The following DBF4B variants were observed in gnomAD, a reference collection of about 807,000 sequenced individuals.
The protein encoded by DBF4B is DBF4B-CDC7 kinase regulatory subunit.
A neutral mutation model predicts 53.4 loss-of-function variants in DBF4B; 49 were observed. That is an observed-to-expected ratio of 0.92 (90% CI 0.73 to 1.16). DBF4B has a LOEUF of 1.16. DBF4B is among the 50% of genes most tolerant of loss of function. The pLI, the probability that DBF4B is intolerant of heterozygous loss-of-function variation, is 0.00. For synonymous variants in DBF4B, 257 were observed against 288.7 expected (o/e 0.89, Z 1.11); for missense variants, 692 against 775.0 (o/e 0.89, Z 1.27).
chr17:44,748,615 A>G (rs2049175136), intron 13 of DBF4B, 150 bp downstream of exon 13: 1 of 1,520,390 alleles, frequency 6.6e-7, no homozygotes, highest in Non-Finnish European at 8.8e-7. Flanking sequence ...ACCAGTGTCC[A>G]GGAGCCCTGC....
chr17:44,712,735 G>A (rs143245785), intron 2 of DBF4B, among the ~76,000 whole-genome samples: 116 of 150,112 alleles, frequency 7.7e-4, no homozygotes, highest in East Asian at 6.2e-3. Flanking sequence ...CACCACACCC[G>A]GCCTGTCTTC....
At chr17:44,730,845 G>C (rs1974770125) in intron 4 of DBF4B, 120 bp from the exon 5 acceptor site, 2 of 980,738 alleles carry the variant, frequency 2.0e-6, no homozygotes, top group Non-Finnish European at 3.1e-6. Context: ...AGTTGTCACT[G>C]CTCCCAGCTT....
At chr17:44,742,120 G>T (rs1976105008) in intron 10 of DBF4B, among the ~76,000 whole-genome samples, 1 of 151,752 alleles carries the variant, frequency 6.6e-6, no homozygotes. Context: ...AAAAAATTAT[G>T]AGTCAGGCAG....
At chr17:44,748,984 A>C (rs2049193639) in intron 13 of DBF4B, 2 of 1,289,682 alleles carry the variant, frequency 1.6e-6, no homozygotes, top group East Asian at 1.1e-4. Flanking sequence ...CTGGCTGGGG[A>C]AAGGGTGGCC....
At chr17:44,737,474 A>T (rs1975567663) in intron 8 of DBF4B, among the ~76,000 whole-genome samples, 1 of 152,216 alleles carries the variant, frequency 6.6e-6, no homozygotes, top group African/African-American at 2.4e-5. Flanking sequence ...GAAAGACAAG[A>T]AATTGTCCCC....
intron 8 of DBF4B, among the ~76,000 whole-genome samples, chr17:44,737,255 A>G (rs554593992): frequency 1.3e-5 from 2 of 152,270 alleles, no homozygotes; most frequent in East Asian, 1.9e-4. Context: ...GAAACTGACA[A>G]ACTGGCAGAT....
chr17:44,751,612 CT>C lies in DBF4B; in HGVS notation c.*361del. 1 of 1,362,122 alleles carries C rather than the reference CT, an allele frequency of 7.3e-7. No homozygotes were observed. The allele number at this position is 1,362,122 out of a possible 1,614,324, so 84.4% of individuals were successfully genotyped here. A position where few individuals can be genotyped will look rare whatever the true frequency, so the allele number is the denominator to read the frequency against. ...TGCCATGCTCCTCTCCTGGAAAACA[CT>C]TGAGTTGATTCAGTAAATCGACTTC... On this transcript the variant is annotated 3_prime_UTR_variant, in exon 14 of 14. Coordinates refer to ENST00000315005, the MANE Select transcript of DBF4B (RefSeq NM_145663.3).
chr17:44,734,747 G>C (rs938192118), intron 7 of DBF4B, among the ~76,000 whole-genome samples: 1 of 152,184 alleles, frequency 6.6e-6, no homozygotes, highest in Admixed American at 6.5e-5. Flanking sequence ...GGCACAGGAC[G>C]AACAGTAATA....
intron 5 of DBF4B, 111 bp downstream of exon 5, chr17:44,731,126 A>G: frequency 8.4e-7 from 1 of 1,184,086 alleles, no homozygotes; most frequent in Non-Finnish European, 1.2e-6. Flanking sequence ...ACTCTGCGAT[A>G]TGTAGTATTG....
intron 3 of DBF4B, among the ~76,000 whole-genome samples, chr17:44,725,246 C>T (rs1214521292): frequency 6.6e-6 from 1 of 151,906 alleles, no homozygotes; most frequent in Non-Finnish European, 1.5e-5. Flanking sequence ...GCTATGATTG[C>T]ACCACTACAC....
In DBF4B at chr17:44,751,088, G is replaced by A. The variant is rs775745437; in HGVS notation, c.1683G>A (p.Leu561=). Reference sequence around the variant, plus strand: ...GGTGCCGGGTTCGGGTGCCCTCATTGTCAACTGCAGGACCCATTCCCCGAA... The same window carrying A: ...GGTGCCGGGTTCGGGTGCCCTCATTATCAACTGCAGGACCCATTCCCCGAA... The part of the protein sequence containing the change: ...SLWCRVRVPS[L]STAGPIPRTS... Residue 561 remains leucine (L), a synonymous_variant, in exon 14 of 14, where the codon TTG becomes TTA. Coordinates refer to ENST00000315005, the MANE Select transcript of DBF4B (RefSeq NM_145663.3). 1 of 1,614,114 alleles carries A rather than the reference G, an allele frequency of 6.2e-7. No individual in the cohort carries two copies. Among genetic ancestry groups the A allele is most frequent in the Non-Finnish European group, 8.5e-7 (1 of 1,180,016 alleles).
chr17:44,749,454 C>T lies in DBF4B; in HGVS notation c.1189+989C>T. ...GGAGGGGCAGAACCCCAGGACTTCC[C>T]CAAAAGAGCTAGAAGGAGGCCCGGG... On this transcript the variant is annotated intron_variant, in intron 13 of 13. Transcript: ENST00000315005. The surrounding 1 kb of genome is among the most constrained non-coding windows in gnomAD (Gnocchi z 4.4). The T allele has an allele frequency of 1.6e-6, 2 of 1,289,116 alleles. No homozygotes were observed. The highest frequency in any genetic ancestry group is 2.0e-6 in the Non-Finnish European group (2 of 988,668). The allele number at this position is 1,289,116 out of a possible 1,614,324, so 79.9% of individuals were successfully genotyped here. A position where few individuals can be genotyped will look rare whatever the true frequency, so the allele number is the denominator to read the frequency against.
intron 2 of DBF4B, chr17:44,720,386 C>A: frequency 4.6e-6 from 1 of 215,672 alleles, no homozygotes; most frequent in East Asian, 1.2e-4. Context: ...CTGAGTACTT[C>A]TTCCTGGACG....
chr17:44,733,240 C>CTACA (rs1975019942), intron 6 of DBF4B, among the ~76,000 whole-genome samples: 1 of 152,132 alleles, frequency 6.6e-6, no homozygotes, highest in Non-Finnish European at 1.5e-5. Context: ...TTAATCCTCA[C>CTACA]TACAGTCCTG....
In DBF4B at chr17:44,710,714, C is replaced by T. The variant is rs987449981; in HGVS notation, c.82+1348C>T. 2.6e-5 allele frequency among the ~76,000 whole-genome samples: 4 copies of T among 151,838 alleles called. No homozygotes were observed. In the South Asian group the frequency reaches 6.2e-4, roughly 24 times the overall value. ...CCAGGTAGCTGGGACTGCAGGCACT[C>T]AACACCACGCCCAGCTAATTTTTTT... On this transcript the variant is annotated intron_variant, in intron 2 of 13. Coordinates refer to ENST00000315005, the MANE Select transcript of DBF4B (RefSeq NM_145663.3).
chr17:44,747,331 C>T, intron 11 of DBF4B, 60 bp from the exon 12 acceptor site: 3 of 1,606,882 alleles, frequency 1.9e-6, no homozygotes, highest in Non-Finnish European at 2.6e-6. Context: ...AGGTCAGCTT[C>T]CGTGTCCCCC....
At chr17:44,727,947 A>C (rs1974511122) in intron 3 of DBF4B, among the ~76,000 whole-genome samples, 1 of 144,188 alleles carries the variant, frequency 6.9e-6, no homozygotes, top group Non-Finnish European at 1.5e-5. Flanking sequence ...CAAACTCCTG[A>C]CCTCAGGTGA....
rs1973998327 is a variant in DBF4B, at chr17:44,723,128, A to G, written c.225+106A>G. 53 of 1,450,252 alleles carry G rather than the reference A, an allele frequency of 3.7e-5. 1 individual carries two copies. The South Asian group carries it at 7.2e-4, about 20-fold the overall frequency. 89.8% of individuals were successfully genotyped at this position (1,450,252 alleles called of 1,614,324 possible). On this transcript the variant is annotated intron_variant, in intron 3 of 13. Transcript: ENST00000315005. ...GTTTCCAAGTATTTTCTTTTTTGAGACAGAGTCTTGCTCTATAACCCAGGC... is the reference window on the plus strand; with the variant it reads ...GTTTCCAAGTATTTTCTTTTTTGAGGCAGAGTCTTGCTCTATAACCCAGGC...
In DBF4B at chr17:44,751,011, T is replaced by G; in HGVS notation, c.1606T>G (p.Cys536Gly). 6.2e-7 allele frequency: 1 copy of G among 1,614,156 alleles called. No individual in the cohort carries two copies. The highest frequency in any genetic ancestry group is 2.2e-5 in the East Asian group (1 of 44,884). Residue 536 changes from cysteine to glycine, a missense_variant, in exon 14 of 14, where the codon TGC becomes GGC. Cys to Gly is a radical substitution (Grantham distance 159). Coordinates refer to ENST00000315005, the MANE Select transcript of DBF4B (RefSeq NM_145663.3). Reference protein sequence around the residue: ...TTPLHEEVSPCPCLRLGYLYL... With the variant: ...TTPLHEEVSPGPCLRLGYLYL... The stretch of plus-strand genomic sequence containing the variant: ...CCCTCTGCATGAGGAAGTTTCCCCT[T>G]GCCCCTGTCTCAGACTTGGATACCT...
Sources: gnomAD v4.1 joint callset for allele counts (sites outside exome capture counted in the v4.1 genomes callset) on GRCh38, gnomAD v4.1.1 for gene constraint, Gnocchi (gnomAD v3.1) non-coding constraint, MANE v1.5 for transcripts, NCBI Gene and HGNC (gene_info 2026-07-23, HGNC 2026-07-21) for gene names.